The following ALKBH5 variants were observed in gnomAD, a reference collection of about 807,000 sequenced individuals.
The protein encoded by ALKBH5 is RNA demethylase ALKBH5.
A neutral mutation model predicts 32.1 loss-of-function variants in ALKBH5; 2 were observed. The ratio of observed to expected loss-of-function variants is 0.06; its 90% CI spans 0.03 to 0.20. The LOEUF (loss-of-function observed/expected upper bound fraction) is 0.20. Among genes scored for constraint, ALKBH5 ranks in the 10% least tolerant of loss-of-function variants. ALKBH5 has a pLI of 1.00. For synonymous variants in ALKBH5, 300 were observed against 231.7 expected (o/e 1.29, Z -2.68); for missense variants, 352 against 559.5 (o/e 0.63, Z 3.74).
At position 18,208,309 on chromosome 17, in the gene ALKBH5, C is replaced by T; in HGVS notation, c.1098C>T (p.Asn366=). 6.2e-7 allele frequency: 1 copy of T among 1,614,164 alleles called. No homozygotes were observed. Among genetic ancestry groups the T allele is most frequent in the East Asian group, 2.2e-5 (1 of 44,870 alleles). The part of the protein sequence containing the change: ...HRRRGSFSSE[N]YWRKSYESSE... ...GGAGGGGTAGCTTCAGCTCTGAGAA[C>T]TACTGGCGCAAGTCATACGAGTCCT... is the stretch of plus-strand genomic sequence containing the variant. Residue 366 remains asparagine, a synonymous_variant, in exon 4 of 4, where the codon AAC becomes AAT. Coordinates refer to ENST00000399138, the MANE Select transcript of ALKBH5 (RefSeq NM_017758.4).
chr17:18,208,132 A>G, intron 3 of ALKBH5, 87 bp from the exon 4 acceptor site: 2 of 1,428,484 alleles, frequency 1.4e-6, no homozygotes, highest in Non-Finnish European at 1.9e-6. Flanking sequence ...GAAGTGACCC[A>G]TCCCAAGGAT....
At position 18,183,984 on chromosome 17, in the gene ALKBH5, C is replaced by T. The variant is rs1355423218; in HGVS notation, c.-260C>T. The stretch of plus-strand genomic sequence containing the variant: ...CAGCCCTCCGCGGCATGAGGCGCTG[C>T]CGGCGCCCCTGCCCCGCGGGACGTG... On this transcript the variant is annotated 5_prime_UTR_variant, in exon 1 of 4. Coordinates refer to ENST00000399138, the MANE Select transcript of ALKBH5 (RefSeq NM_017758.4). 2 of 643,114 alleles carry T rather than the reference C, an allele frequency of 3.1e-6. No individual in the cohort carries two copies. The highest frequency in any genetic ancestry group is 5.7e-6 in the Non-Finnish European group (2 of 350,268). The allele number at this position is 643,114 out of a possible 1,614,324, so 39.8% of individuals were successfully genotyped here.
chr17:18,208,580 C>A lies in ALKBH5; in HGVS notation c.*184C>A. 1.3e-6 allele frequency: 1 copy of A among 749,400 alleles called. No homozygotes were observed. Among genetic ancestry groups the A allele is most frequent in the Non-Finnish European group, 2.3e-6 (1 of 439,234 alleles). The allele number at this position is 749,400 out of a possible 1,614,324, so 46.4% of individuals were successfully genotyped here. ...GGCTGAAGAATAGAATTGGCCAGGACCTAGGTTCTCATATTCTTGGTATTC... is the reference window on the plus strand; with the variant it reads ...GGCTGAAGAATAGAATTGGCCAGGAACTAGGTTCTCATATTCTTGGTATTC... On this transcript the variant is annotated 3_prime_UTR_variant, in exon 4 of 4. Coordinates refer to ENST00000399138, the MANE Select transcript of ALKBH5 (RefSeq NM_017758.4).
chr17:18,184,302 G>A lies in ALKBH5; in HGVS notation c.59G>A (p.Arg20Gln). Residue 20 changes from arginine (R) to glutamine (Q), a missense_variant, in exon 1 of 4, where the codon CGG becomes CAG. Transcript: ENST00000399138. ...LREKLKSMTS[R>Q]DNYKAGSREA... ...GAGAAGCTCAAGTCCATGACGTCCC[G>A]GGACAACTATAAGGCGGGCAGCCGG... 1 of 1,527,594 alleles carries A rather than the reference G, an allele frequency of 6.5e-7. No individual in the cohort carries two copies. The highest frequency in any genetic ancestry group is 8.8e-7 in the Non-Finnish European group (1 of 1,140,114). The allele number at this position is 1,527,594 out of a possible 1,614,324, so 94.6% of individuals were successfully genotyped here. A position where few individuals can be genotyped will look rare whatever the true frequency, so the allele number is the denominator to read the frequency against.
chr17:18,193,191 C>G (rs2047187233), intron 1 of ALKBH5, among the ~76,000 whole-genome samples: 2 of 150,304 alleles, frequency 1.3e-5, no homozygotes, highest in Admixed American at 1.3e-4. Context: ...GACTGGTGTT[C>G]ATGGAGAAAA....
At chr17:18,199,142 C>T (rs1265000853) in intron 2 of ALKBH5, among the ~76,000 whole-genome samples, 3 of 152,166 alleles carry the variant, frequency 2.0e-5, no homozygotes, top group African/African-American at 7.2e-5. Context: ...GTAGGGGGCA[C>T]TCTACAGAGA....
intron 1 of ALKBH5, among the ~76,000 whole-genome samples, chr17:18,189,251 G>A (rs1367732706): frequency 2.6e-5 from 4 of 151,860 alleles, no homozygotes; most frequent in East Asian, 1.9e-4. Context: ...GTGTGGTGGC[G>A]GGCGCCTGTA....
chr17:18,203,587 A>C (rs898087511), intron 2 of ALKBH5, among the ~76,000 whole-genome samples: 5 of 152,208 alleles, frequency 3.3e-5, no homozygotes, highest in Non-Finnish European at 7.3e-5. Context: ...CCACCTGAGG[A>C]GGCCTGGGTC....
chr17:18,200,365 C>T (rs1377746299), intron 2 of ALKBH5, among the ~76,000 whole-genome samples: 1 of 152,074 alleles, frequency 6.6e-6, no homozygotes, highest in Non-Finnish European at 1.5e-5. Context: ...GGCACCCAAT[C>T]CCTTGGTTTT....
In ALKBH5 at chr17:18,184,540, G is replaced by A. The variant is rs2047125778; in HGVS notation, c.297G>A (p.Glu99=). ...IRQMRLFSQD[E]CAKIEARIDE... ...AGATGCGCCTCTTCAGCCAGGACGAGTGCGCCAAGATCGAGGCCCGCATTG... is the reference window on the plus strand; with the variant it reads ...AGATGCGCCTCTTCAGCCAGGACGAATGCGCCAAGATCGAGGCCCGCATTG... The change falls in exon 1 of 4, where the codon GAG becomes GAA. Residue 99 remains glutamate, a synonymous_variant. Coordinates refer to ENST00000399138, the MANE Select transcript of ALKBH5 (RefSeq NM_017758.4). 6.2e-7 allele frequency: 1 copy of A among 1,613,336 alleles called. No individual in the cohort carries two copies. Among genetic ancestry groups the A allele is most frequent in the East Asian group, 2.2e-5 (1 of 44,890 alleles).
chr17:18,195,475 A>T (rs2142477867), intron 2 of ALKBH5, among the ~76,000 whole-genome samples: 1 of 152,334 alleles, frequency 6.6e-6, no homozygotes, highest in Non-Finnish European at 1.5e-5. Context: ...AAGAGAGGAG[A>T]CAAGGGTGGG....
At chr17:18,193,584 T>C (rs2047190192) in intron 1 of ALKBH5, among the ~76,000 whole-genome samples, 1 of 152,024 alleles carries the variant, frequency 6.6e-6, no homozygotes. Flanking sequence ...GTTTGTTCTA[T>C]CCCCAGCATG....
intron 3 of ALKBH5, 42 bp downstream of exon 3, chr17:18,207,012 G>C (rs1386692965): frequency 6.2e-7 from 1 of 1,603,648 alleles, no homozygotes; most frequent in South Asian, 1.1e-5. Context: ...GCAAAGGCCT[G>C]GCTGCAGGGT....
At chr17:18,187,121 G>C (rs2047144112) in intron 1 of ALKBH5, among the ~76,000 whole-genome samples, 5 of 152,112 alleles carry the variant, frequency 3.3e-5, no homozygotes, top group Admixed American at 3.3e-4. Flanking sequence ...CAGACAGGAG[G>C]ATAAGTTATA....
intron 2 of ALKBH5, among the ~76,000 whole-genome samples, chr17:18,204,345 G>A (rs1014713840): frequency 1.3e-5 from 2 of 152,136 alleles, no homozygotes; most frequent in Non-Finnish European, 2.9e-5. Flanking sequence ...TAGCAATTCG[G>A]GAGGCTGAGG....
At chr17:18,207,821 G>T (rs967991577) in intron 3 of ALKBH5, among the ~76,000 whole-genome samples, 1 of 152,154 alleles carries the variant, frequency 6.6e-6, no homozygotes, top group Non-Finnish European at 1.5e-5. Context: ...GTGGTTTCAG[G>T]GGGTAATGGG....
chr17:18,199,034 C>T (rs2047220755), intron 2 of ALKBH5, among the ~76,000 whole-genome samples: 1 of 152,138 alleles, frequency 6.6e-6, no homozygotes, highest in African/African-American at 2.4e-5. Context: ...GGGATGGATG[C>T]TTTGAGTTAG....
In ALKBH5 at chr17:18,184,277, G is replaced by A; in HGVS notation, c.34G>A (p.Glu12Lys). ...CGCCAGCGGCTACACGGACCTGCGTGAGAAGCTCAAGTCCATGACGTCCCG... is the reference window on the plus strand; with the variant it reads ...CGCCAGCGGCTACACGGACCTGCGTAAGAAGCTCAAGTCCATGACGTCCCG... ...AAASGYTDLR[E>K]KLKSMTSRDN... is the part of the protein sequence containing the mutation. The change falls in exon 1 of 4, where the codon GAG becomes AAG. Residue 12 changes from glutamate (E) to lysine (K), a missense_variant. Physicochemically the swap from Glu to Lys is moderately conservative, Grantham distance 56. Transcript: ENST00000399138. 1 of 1,525,272 alleles carries A rather than the reference G, an allele frequency of 6.6e-7. No homozygotes were observed. Among genetic ancestry groups the A allele is most frequent in the South Asian group, 1.2e-5 (1 of 82,080 alleles). 94.5% of individuals were successfully genotyped at this position (1,525,272 alleles called of 1,614,324 possible).
intron 2 of ALKBH5, among the ~76,000 whole-genome samples, chr17:18,204,721 C>T (rs561074698): frequency 1.3e-4 from 20 of 151,950 alleles, no homozygotes; most frequent in Non-Finnish European, 2.9e-4. Context: ...GCACTCCAGC[C>T]TGGGCGACAG....
Sources: allele counts gnomAD v4.1 joint callset (sites outside exome capture counted in the v4.1 genomes callset), GRCh38; gene constraint gnomAD v4.1.1; transcripts MANE v1.5; gene names NCBI Gene and HGNC (gene_info 2026-07-23, HGNC 2026-07-21).